Variants in NPAS3 observed in about 807,000 individuals in gnomAD.
The protein encoded by NPAS3 is neuronal PAS domain-containing protein 3.
Under a neutral mutation model 73.1 loss-of-function variants are expected in NPAS3, and 14 were observed. That is an observed-to-expected ratio of 0.19 (90% CI 0.13 to 0.30). The LOEUF (loss-of-function observed/expected upper bound fraction) is 0.30. NPAS3 is among the 10% of genes least tolerant of loss of function. The pLI, the probability that NPAS3 is intolerant of heterozygous loss-of-function variation, is 1.00. For synonymous variants in NPAS3, 620 were observed against 541.5 expected, an observed-to-expected ratio of 1.14 and a Z score of -2.01; for missense variants, 1,096 against 1,250.0, an observed-to-expected ratio of 0.88 and a Z score of 1.86.
Position 33,568,385 on chromosome 14 carries a change from T to C in NPAS3, c.558+8175T>C, listed in dbSNP as rs967210050. ...GCATTTCTTTGCCTGACAAGCAGTATTTTCTATATGGTATTAATTTAATGG... is the reference window on the plus strand; with the variant it reads ...GCATTTCTTTGCCTGACAAGCAGTACTTTCTATATGGTATTAATTTAATGG... On this transcript the variant is annotated intron_variant, in intron 5 of 11. Coordinates refer to ENST00000356141, the Ensembl canonical transcript of NPAS3. Among the ~76,000 whole-genome samples, 7 of 152,312 alleles carry C rather than the reference T, an allele frequency of 4.6e-5. No homozygotes were observed. In the East Asian group the frequency reaches 5.8e-4, roughly 13 times the overall value.
chr14:33,503,878 A>G (rs1307187288), intron 4 of NPAS3, among the ~76,000 whole-genome samples: 1 of 152,010 alleles, frequency 6.6e-6, no homozygotes, highest in Non-Finnish European at 1.5e-5. Flanking sequence ...AAACATTCGT[A>G]ACTCAATAGT....
At chr14:33,036,776 G>A (rs946735637) in intron 1 of NPAS3, among the ~76,000 whole-genome samples, 3 of 152,022 alleles carry the variant, frequency 2.0e-5, no homozygotes, top group Admixed American at 6.6e-5. Context: ...CTTTTTGAAG[G>A]ATGCTGAAAA....
chr14:33,798,807 C>G (rs73262503), intron 11 of NPAS3, among the ~76,000 whole-genome samples: 2,164 of 152,146 alleles, frequency 0.014, 59 homozygotes, highest in African/African-American at 0.048. Context: ...GCCCATTGAG[C>G]TTATATACTA....
At position 33,778,902 on chromosome 14, in the gene NPAS3, A is replaced by C. The variant is rs184339241; in HGVS notation, c.1153+330A>C. Among the ~76,000 whole-genome samples, 161 of 152,096 alleles carry C rather than the reference A, an allele frequency of 1.1e-3. 1 individual carries two copies. Among genetic ancestry groups the C allele is most frequent in the African/African-American group, 3.6e-3 (150 of 41,474 alleles). ...TTTCATTTTCTGGAGAACAACTTCC[A>C]CTCTGAAATTTGTGGTCTCAGTTTC... On this transcript the variant is annotated intron_variant, in intron 9 of 11. Coordinates refer to ENST00000356141, the Ensembl canonical transcript of NPAS3.
At chr14:32,980,583 T>C (rs1052848953) in intron 1 of NPAS3, among the ~76,000 whole-genome samples, 1 of 152,214 alleles carries the variant, frequency 6.6e-6, no homozygotes, top group Non-Finnish European at 1.5e-5. Flanking sequence ...TTTACTTATG[T>C]TTTTCTTCTT....
At chr14:33,155,039 A>C in intron 2 of NPAS3, among the ~76,000 whole-genome samples, 1 of 152,232 alleles carries the variant, frequency 6.6e-6, no homozygotes, top group East Asian at 1.9e-4. Context: ...GCCATCTAAA[A>C]GTATAAAAAT....
downstream of NPAS3, chr14:33,803,019 A>G (rs563594143): frequency 6.6e-6 from 1 of 152,310 alleles, no homozygotes; most frequent in Admixed American, 6.5e-5. Flanking sequence ...AATTCTGGGT[A>G]TGACTCTGTC....
rs572317829 is a variant in NPAS3 at position 33,068,319 on chromosome 14, C to T, written c.140+12325C>T. Among the ~76,000 whole-genome samples the T allele has an allele frequency of 2.2e-4, 34 of 152,330 alleles. No homozygotes were observed. The South Asian group carries it at 6.8e-3, about 31-fold the overall frequency. ...GACATTTCTTAGCGCGAGTTCTGTG[C>T]TCTGTCCATGAAACATTTCCATTCA... On this transcript the variant is annotated intron_variant, in intron 2 of 11. Transcript: ENST00000356141.
intron 2 of NPAS3, among the ~76,000 whole-genome samples, chr14:33,211,831 C>T (rs951757701): frequency 2.6e-5 from 4 of 152,038 alleles, no homozygotes; most frequent in African/African-American, 9.7e-5. Context: ...GCTGGGGATT[C>T]ATGAAGAATC....
At chr14:33,400,638 G>A (rs1037713793) in intron 4 of NPAS3, among the ~76,000 whole-genome samples, 3 of 152,066 alleles carry the variant, frequency 2.0e-5, no homozygotes, top group Non-Finnish European at 2.9e-5. Context: ...CATAACCAGG[G>A]ACATTTAGTT....
In NPAS3 at chr14:32,989,598, GCC is replaced by G. The variant is rs1566437766; in HGVS notation, c.50+50234_50+50235del. 6.6e-4 allele frequency among the ~76,000 whole-genome samples: 100 copies of G among 152,108 alleles called. 2 individuals are homozygous for G. In the East Asian group the frequency reaches 0.017, roughly 25 times the overall value. ...GGGCGGAGCCTGCAGTGAGCCGAGA[GCC>G]CGCCACTGCACTCCAGCCTGGGCGA... On this transcript the variant is annotated intron_variant, in intron 1 of 11. Transcript: ENST00000356141.
At chr14:33,067,739 ACCT>A (rs2041329269) in intron 2 of NPAS3, among the ~76,000 whole-genome samples, 1 of 152,058 alleles carries the variant, frequency 6.6e-6, no homozygotes, top group African/African-American at 2.4e-5. Context: ...ACAGATTAAG[ACCT>A]CTTTCATCTC....
chr14:33,143,391 T>C (rs2044128159), intron 2 of NPAS3, among the ~76,000 whole-genome samples: 1 of 151,834 alleles, frequency 6.6e-6, no homozygotes, highest in African/African-American at 2.4e-5. Context: ...CTTGGGAGGC[T>C]GAGGCAGGAG....
rs149751058 is a variant in NPAS3, at chr14:32,973,278, T to A, written c.50+33912T>A. ...GGAGTGGGGTAGTATGGGGTTTTTG[T>A]CTCTTATTAATTTTTTTAAAATTTC... On this transcript the variant is annotated intron_variant, in intron 1 of 11. Coordinates refer to ENST00000356141, the Ensembl canonical transcript of NPAS3. Among the ~76,000 whole-genome samples the A allele has an allele frequency of 4.9e-4, 74 of 152,290 alleles. 1 individual carries two copies. In the East Asian group the frequency reaches 0.013, roughly 27 times the overall value.
Position 33,325,639 on chromosome 14 carries a change from CAAAAAAAA to C in NPAS3, c.386-41535_386-41528del, listed in dbSNP as rs1164467989. ...TGGGTGACAGGGTGAGACTCCGTCT[CAAAAAAAA>C]AAAAAAAAAAAGTACAGTTAAGTTA... On this transcript the variant is annotated intron_variant, in intron 3 of 11. Transcript: ENST00000356141. 7.5e-3 allele frequency among the ~76,000 whole-genome samples: 466 copies of C among 62,044 alleles called. 12 individuals carry two copies. Among genetic ancestry groups the C allele is most frequent in the Non-Finnish European group, 1.7e-3 (47 of 27,726 alleles). 40.7% of individuals were successfully genotyped at this position (62,044 alleles called of 152,430 possible). A position where few individuals can be genotyped will look rare whatever the true frequency, so the allele number is the denominator to read the frequency against.
At chr14:33,735,168 G>C (rs1404240014) in intron 6 of NPAS3, 46 bp from the exon 7 acceptor site, 2 of 1,357,082 alleles carry the variant, frequency 1.5e-6, no homozygotes, top group African/African-American at 1.4e-5. Context: ...GTGAGGGGCT[G>C]TGTCAAGATC....
intron 6 of NPAS3, among the ~76,000 whole-genome samples, chr14:33,724,713 G>A (rs951974053): frequency 2.6e-5 from 4 of 150,978 alleles, no homozygotes; most frequent in African/African-American, 4.9e-5. Flanking sequence ...CGTAAATATC[G>A]TATCTGTTAT....
chr14:33,799,377 C>A (rs567521728), intron 11 of NPAS3, among the ~76,000 whole-genome samples: 1 of 152,228 alleles, frequency 6.6e-6, no homozygotes, highest in South Asian at 2.1e-4. Context: ...CTTTGTGGGA[C>A]TTCTTAAACT....
intron 6 of NPAS3, among the ~76,000 whole-genome samples, chr14:33,698,782 CAATTG>C (rs2060454522): frequency 6.6e-6 from 1 of 152,138 alleles, no homozygotes; most frequent in Admixed American, 6.5e-5. Context: ...TTGTAATTTT[CAATTG>C]AATTGATCTA....
Sources: gnomAD v4.1 joint callset for allele counts (sites outside exome capture counted in the v4.1 genomes callset) on GRCh38, gnomAD v4.1.1 for gene constraint, MANE v1.5 for transcripts, NCBI Gene and HGNC (gene_info 2026-07-23, HGNC 2026-07-21) for gene names.